Variants in KIF5C observed in about 807,000 individuals in gnomAD.
KIF5C encodes the protein kinesin heavy chain isoform 5C.
A neutral mutation model predicts 125.2 loss-of-function variants in KIF5C; 18 were observed. The observed-to-expected ratio is 0.14, with a 90% CI of 0.10 to 0.21. The LOEUF is 0.21. Ranked by LOEUF, KIF5C falls within the 10% of genes least tolerant of loss-of-function variation. The pLI is 1.00. For missense variants in KIF5C, 780 were observed against 1,183.8 expected, an observed-to-expected ratio of 0.66 and a Z score of 5.01; for synonymous variants, 405 against 434.0, an observed-to-expected ratio of 0.93 and a Z score of 0.83.
At chr2:148,999,255 C>A (rs1227028026) in intron 19 of KIF5C, among the ~76,000 whole-genome samples, 1 of 151,648 alleles carries the variant, frequency 6.6e-6, no homozygotes, top group African/African-American at 2.4e-5. Flanking sequence ...CACCCCCACC[C>A]CACCCAGGGT....
At chr2:148,983,586 C>A (rs755149140) in intron 14 of KIF5C, 34 bp from the exon 15 acceptor site, 3 of 1,520,168 alleles carry the variant, frequency 2.0e-6, no homozygotes, top group Non-Finnish European at 2.7e-6. Flanking sequence ...TGATGGGCAA[C>A]CCTTTGAATT....
intron 11 of KIF5C, among the ~76,000 whole-genome samples, chr2:148,969,422 A>AGTGTGTGTGTGTGTGTGTGTGT (rs151238332): frequency 3.5e-5 from 5 of 141,290 alleles, no homozygotes; most frequent in African/African-American, 1.3e-4. Context: ...GAAGGTTTCC[A>AGTGTGTGTGTGTGTGTGTGTGT]GTGTGTGTGT....
At chr2:148,943,553 T>A (rs967878323) in intron 7 of KIF5C, among the ~76,000 whole-genome samples, 1 of 152,222 alleles carries the variant, frequency 6.6e-6, no homozygotes, top group Non-Finnish European at 1.5e-5. Flanking sequence ...TTGAAGGTGC[T>A]GACACTAAGA....
At position 148,981,413 on chromosome 2, in the gene KIF5C, A is replaced by G. The variant is rs1437370237; in HGVS notation, c.1421A>G (p.Gln474Arg). Residue 474 changes from glutamine to arginine, a missense_variant, in exon 14 of 26, where the codon CAG (glutamine) becomes CGG (arginine). By Grantham distance (43) the Gln-to-Arg change is conservative. Around this residue, in one of 2 missense-constraint regions of KIF5C, gnomAD observed 573 missense variants for 742.6 expected, o/e 0.77. Coordinates refer to ENST00000435030, the MANE Select transcript of KIF5C (RefSeq NM_004522.3). ...EKIQEELTRL[Q>R]IENEAAKDEV... ...ATACAGGAGGAGCTGACACGTCTCC[A>G]GATTGAAAATGAGGCAGCCAAGGAT... The G allele has an allele frequency of 1.9e-6, 3 of 1,611,126 alleles. No homozygotes were observed. Among genetic ancestry groups the G allele is most frequent in the East Asian group, 2.2e-5 (1 of 44,812 alleles).
intron 8 of KIF5C, among the ~76,000 whole-genome samples, chr2:148,947,650 C>T (rs1247472113): frequency 6.6e-6 from 1 of 152,228 alleles, no homozygotes. Context: ...CCATGCCCTC[C>T]CAGGCCCTGG....
intron 7 of KIF5C, 73 bp from the exon 8 acceptor site, chr2:148,946,826 G>A (rs1682530477): frequency 6.3e-7 from 1 of 1,581,498 alleles, no homozygotes; most frequent in Middle Eastern, 1.7e-4. Context: ...GACTTGTTAT[G>A]CTTTTTAAAT....
chr2:148,922,124 C>T lies in KIF5C; in HGVS notation c.127-13C>T, dbSNP rs749296806. 5.7e-6 allele frequency: 9 copies of T among 1,569,874 alleles called. No homozygotes were observed. The East Asian group carries it at 1.3e-4, about 24-fold the overall frequency. On this transcript the variant is annotated splice_polypyrimidine_tract_variant and intron_variant, in intron 1 of 25. Coordinates refer to ENST00000435030, the MANE Select transcript of KIF5C (RefSeq NM_004522.3). The stretch of plus-strand genomic sequence containing the variant: ...TTTTCCACCTTTTTCTTCCCTTTGT[C>T]TTTCTTTTTTAGCAAGGGAAGCCAT...
At chr2:148,969,743 A>G (rs1574798877) in intron 11 of KIF5C, among the ~76,000 whole-genome samples, 1 of 152,278 alleles carries the variant, frequency 6.6e-6, no homozygotes, top group East Asian at 1.9e-4. Context: ...GAATTGGTCC[A>G]CTGCAGTGCA....
In KIF5C at chr2:148,941,572, C is replaced by T. The variant is rs775605658; in HGVS notation, c.397-38C>T. The T allele has an allele frequency of 1.8e-5, 28 of 1,551,174 alleles. No individual in the cohort carries two copies. In the East Asian group the frequency reaches 2.7e-4, roughly 15 times the overall value. On this transcript the variant is annotated intron_variant, in intron 4 of 25. Transcript: ENST00000435030. Reference sequence around the variant, plus strand: ...ATAATGGCATTTTTGAAATACACTGCGGCATGTCTATTCCAAGCTCAATTT... The same window carrying T: ...ATAATGGCATTTTTGAAATACACTGTGGCATGTCTATTCCAAGCTCAATTT...
Position 149,005,397 on chromosome 2 carries a change from G to C in KIF5C, c.2378G>C (p.Arg793Thr). ...GCCTTTAAAAATCTCTTCCAGTCTA[G>C]AGAATTGCAGACACTGCACAACCTT... ...DLKGLEETVSRELQTLHNLRK... is the reference protein window; with the variant it reads ...DLKGLEETVSTELQTLHNLRK... The change falls in exon 22 of 26, where the codon AGA becomes ACA. Residue 793 changes from arginine to threonine, a missense_variant. Around this residue, in one of 2 missense-constraint regions of KIF5C, gnomAD observed 573 missense variants for 742.6 expected, o/e 0.77. Transcript: ENST00000435030. 1 of 1,613,610 alleles carries C rather than the reference G, an allele frequency of 6.2e-7. No individual in the cohort carries two copies. The highest frequency in any genetic ancestry group is 8.5e-7 in the Non-Finnish European group (1 of 1,179,756).
intron 10 of KIF5C, 94 bp from the exon 11 acceptor site, chr2:148,961,877 C>A: frequency 6.7e-7 from 1 of 1,490,138 alleles, no homozygotes; most frequent in South Asian, 1.5e-5. Flanking sequence ...TCCCTATTTC[C>A]AGTCTTTTGA....
intron 18 of KIF5C, chr2:148,998,027 T>C (rs1165949970): frequency 1.7e-5 from 4 of 240,198 alleles, no homozygotes; most frequent in Non-Finnish European, 3.3e-5. Flanking sequence ...CAGTTTTACA[T>C]GTGAGGGAGT....
intron 24 of KIF5C, 140 bp from the exon 25 acceptor site, chr2:149,011,430 G>GAGATCTGGT: frequency 1.0e-5 from 12 of 1,198,702 alleles, no homozygotes; most frequent in Non-Finnish European, 1.3e-5. Flanking sequence ...CATTTTCAGA[G>GAGATCTGGT]AGATCTGGTG....
At chr2:148,937,179 C>A in intron 3 of KIF5C, 105 bp from the exon 4 acceptor site, 1 of 1,470,964 alleles carries the variant, frequency 6.8e-7, no homozygotes, top group Non-Finnish European at 9.0e-7. Context: ...TGGGTGCTTC[C>A]TGCTCCACCG....
intron 1 of KIF5C, among the ~76,000 whole-genome samples, chr2:148,886,883 A>G (rs1681543621): frequency 6.6e-6 from 1 of 152,206 alleles, no homozygotes; most frequent in Non-Finnish European, 1.5e-5. Context: ...AAATTTTCTT[A>G]ATAAATATGG....
chr2:148,892,317 G>T (rs1200596562), intron 1 of KIF5C, among the ~76,000 whole-genome samples: 1 of 152,202 alleles, frequency 6.6e-6, no homozygotes, highest in Non-Finnish European at 1.5e-5. Flanking sequence ...TGTGATAAGT[G>T]TTGCTCTCAT....
At position 148,882,345 on chromosome 2, in the gene KIF5C, C is replaced by T. The variant is rs371725246; in HGVS notation, c.126+6602C>T. 3.3e-4 allele frequency among the ~76,000 whole-genome samples: 50 copies of T among 152,304 alleles called. No individual in the cohort carries two copies. In the South Asian group the frequency reaches 7.5e-3, roughly 23 times the overall value. ...TGTGCTAAGCCCAGTGGCTAGTCCA[C>T]GGCAGGCATCCAGATAAGGCCCAGT... is the stretch of plus-strand genomic sequence containing the variant. On this transcript the variant is annotated intron_variant, in intron 1 of 25. Coordinates refer to ENST00000435030, the MANE Select transcript of KIF5C (RefSeq NM_004522.3).
chr2:148,937,393 G>A lies in KIF5C; in HGVS notation c.396+5G>A. 1 of 1,578,094 alleles carries A rather than the reference G, an allele frequency of 6.3e-7. No homozygotes were observed. Among genetic ancestry groups the A allele is most frequent in the Non-Finnish European group, 8.6e-7 (1 of 1,160,494 alleles). ...AACCTGGAGTTTCACATAAAGGTAC[G>A]TATTACTGATTGGTCCCCAGAGAAG... On this transcript the variant is annotated splice_donor_5th_base_variant and intron_variant, in intron 4 of 25. Coordinates refer to ENST00000435030, the MANE Select transcript of KIF5C (RefSeq NM_004522.3).
intron 1 of KIF5C, among the ~76,000 whole-genome samples, chr2:148,893,093 A>T (rs1681750616): frequency 6.6e-6 from 1 of 152,152 alleles, no homozygotes; most frequent in Non-Finnish European, 1.5e-5. Context: ...TTTAGTAGAT[A>T]TTTATTGTCA....
Sources: gnomAD v4.1 joint callset for allele counts (sites outside exome capture counted in the v4.1 genomes callset) on GRCh38, gnomAD v4.1.1 for gene constraint, gnomAD v4.1.1 regional missense constraint, MANE v1.5 for transcripts, NCBI Gene and HGNC (gene_info 2026-07-23, HGNC 2026-07-21) for gene names.